Variants in TVP23A observed in about 807,000 individuals in gnomAD.
TVP23A encodes the protein Golgi apparatus membrane protein TVP23 homolog A.
In TVP23A, 21 loss-of-function variants were observed where a neutral mutation model predicts 31.7. That is an observed-to-expected ratio of 0.66 (90% CI 0.47 to 0.95). The LOEUF is 0.95. Ranked by LOEUF, TVP23A falls within the 40% of genes least tolerant of loss-of-function variation. TVP23A has a pLI of 0.00. For missense variants in TVP23A, 279 were observed against 255.6 expected, an observed-to-expected ratio of 1.09 and a Z score of -0.62; for synonymous variants, 104 against 96.0, an observed-to-expected ratio of 1.08 and a Z score of -0.49.
At chr16:10,765,641 T>C (rs1425857879), downstream of TVP23A, among the ~76,000 whole-genome samples, 1 of 152,214 alleles carries the variant, frequency 6.6e-6, no homozygotes, top group Non-Finnish European at 1.5e-5. The surrounding 1 kb of genome is among the most constrained non-coding windows in gnomAD (Gnocchi z 4.0). Flanking sequence ...ATACGGCTTT[T>C]CTTCCAAAGA....
At chr16:10,788,545 G>T (rs2032906920) in intron 2 of TVP23A, among the ~76,000 whole-genome samples, 1 of 152,148 alleles carries the variant, frequency 6.6e-6, no homozygotes, top group Non-Finnish European at 1.5e-5. Context: ...AAGTCCGGTG[G>T]TGACAAAGGA....
chr16:10,759,667 T>C (rs1596461135), downstream of TVP23A, among the ~76,000 whole-genome samples: 4 of 152,194 alleles, frequency 2.6e-5, no homozygotes. This position sits in a 1 kb window ranked among gnomAD's most constrained non-coding sequence, Gnocchi z 4.7. Context: ...TCCCAGCTAC[T>C]TGGGAGGCTG....
downstream of TVP23A, chr16:10,757,823 T>C: frequency 1.3e-6 from 2 of 1,588,026 alleles, no homozygotes; most frequent in Non-Finnish European, 1.7e-6. This position sits in a 1 kb window ranked among gnomAD's most constrained non-coding sequence, Gnocchi z 4.1. Flanking sequence ...GAGTTGAAAG[T>C]ACAGAAAAGA....
intron 2 of TVP23A, among the ~76,000 whole-genome samples, chr16:10,798,230 A>T (rs951241827): frequency 6.6e-6 from 1 of 151,812 alleles, no homozygotes; most frequent in African/African-American, 2.4e-5. Context: ...TAGTACTGGG[A>T]TTACAGGTGT....
At chr16:10,790,397 G>A (rs1324134939) in intron 2 of TVP23A, among the ~76,000 whole-genome samples, 1 of 146,722 alleles carries the variant, frequency 6.8e-6, no homozygotes, top group African/African-American at 2.5e-5. Context: ...CCATTCTCCT[G>A]CCTCAGCCTC....
chr16:10,767,142 C>A lies in TVP23A; in HGVS notation c.*1960G>T. The A allele has an allele frequency of 2.5e-6, 1 of 398,876 alleles. No individual in the cohort carries two copies. The highest frequency in any genetic ancestry group is 4.4e-6 in the Non-Finnish European group (1 of 226,274). The allele number at this position is 398,876 out of a possible 1,614,324, so 24.7% of individuals were successfully genotyped here. The stretch of plus-strand genomic sequence containing the variant: ...CAGTGCAGTCACTTGCCTGTTTCGC[C>A]AGCAGCTCAGGCCTGGGGAGTGGGC... On this transcript the variant is annotated 3_prime_UTR_variant, in exon 8 of 8. Transcript: ENST00000299866. The surrounding 1 kb of genome is among the most constrained non-coding windows in gnomAD (Gnocchi z 4.6).
intron 2 of TVP23A, among the ~76,000 whole-genome samples, chr16:10,807,336 G>GC (rs1242891195): frequency 1.3e-5 from 2 of 152,076 alleles, no homozygotes; most frequent in South Asian, 2.1e-4. Flanking sequence ...CTCCTTCCTT[G>GC]CCCCCCACAC....
downstream of TVP23A, among the ~76,000 whole-genome samples, chr16:10,758,585 T>A (rs1900732472): frequency 6.6e-6 from 1 of 152,204 alleles, no homozygotes; most frequent in Non-Finnish European, 1.5e-5. Context: ...GGGTCAAGAA[T>A]GCTTTTTGAA....
intron 2 of TVP23A, among the ~76,000 whole-genome samples, chr16:10,801,376 T>C (rs1030773118): frequency 6.6e-6 from 1 of 152,156 alleles, no homozygotes; most frequent in Non-Finnish European, 1.5e-5. Flanking sequence ...GCCCTTTTAC[T>C]CTCCAAAAAT....
intron 2 of TVP23A, among the ~76,000 whole-genome samples, chr16:10,809,915 A>C (rs568768071): frequency 9.8e-5 from 15 of 152,306 alleles, no homozygotes; most frequent in African/African-American, 3.4e-4. Flanking sequence ...TGTATGCCCC[A>C]AAAAAAGCAC....
At chr16:10,802,177 G>A (rs1030634017) in intron 2 of TVP23A, among the ~76,000 whole-genome samples, 5 of 150,830 alleles carry the variant, frequency 3.3e-5, no homozygotes, top group African/African-American at 1.2e-4. Flanking sequence ...GGCTCCTACT[G>A]GTCAACAATG....
rs1199469338 is a variant in TVP23A at position 10,767,470 on chromosome 16, G to A, written c.*1632C>T. 2.5e-6 allele frequency: 1 copy of A among 393,954 alleles called. No individual in the cohort carries two copies. Among genetic ancestry groups the A allele is most frequent in the Non-Finnish European group, 4.5e-6 (1 of 224,380 alleles). 24.4% of individuals were successfully genotyped at this position (393,954 alleles called of 1,614,324 possible). On this transcript the variant is annotated 3_prime_UTR_variant, in exon 8 of 8. Transcript: ENST00000299866. This position sits in a 1 kb window ranked among gnomAD's most constrained non-coding sequence, Gnocchi z 4.6. ...ATTCGTATTTTAGGTATATGAGAGT[G>A]TGTGTATGTGTGTGCGCACACATGC...
At position 10,770,306 on chromosome 16, in the gene TVP23A, G is replaced by A; in HGVS notation, c.608C>T (p.Pro203Leu). The change falls in exon 7 of 8, where the codon CCT (proline) becomes CTT (leucine). Residue 203 changes from proline to leucine, a missense_variant. By Grantham distance (98) the Pro-to-Leu change is moderately conservative. Coordinates refer to ENST00000299866, the MANE Select transcript of TVP23A (RefSeq NM_001079512.4). The part of the protein sequence containing the change: ...QTACPGDFQK[P>L]GLEGLEIHQH ...GTGAATCTCCAGCCCCTCGAGGCCA[G>A]GCTTCTGAAAGTCACCTGGGCAGGC... 2 of 1,551,246 alleles carry A rather than the reference G, an allele frequency of 1.3e-6. No homozygotes were observed. The highest frequency in any genetic ancestry group is 1.7e-6 in the Non-Finnish European group (2 of 1,146,972).
At position 10,767,709 on chromosome 16, in the gene TVP23A, C is replaced by T. The variant is rs2031106280; in HGVS notation, c.*1393G>A. The T allele has an allele frequency of 1.8e-6, 1 of 565,752 alleles. No individual in the cohort carries two copies. The highest frequency in any genetic ancestry group is 2.1e-5 in the South Asian group (1 of 47,556). 35.0% of individuals were successfully genotyped at this position (565,752 alleles called of 1,614,324 possible). ...TGCTGAATCAGTTCTCTGTAGGGCC[C>T]TGGAACCTGCATTTTCTGTACACCA... On this transcript the variant is annotated 3_prime_UTR_variant, in exon 8 of 8. Coordinates refer to ENST00000299866, the MANE Select transcript of TVP23A (RefSeq NM_001079512.4). The surrounding 1 kb of genome is among the most constrained non-coding windows in gnomAD (Gnocchi z 4.6).
intron 2 of TVP23A, among the ~76,000 whole-genome samples, chr16:10,787,070 C>T (rs925909350): frequency 6.6e-6 from 1 of 152,160 alleles, no homozygotes; most frequent in African/African-American, 2.4e-5. Flanking sequence ...AGAGGCCACC[C>T]CTCTCTGAAG....
chr16:10,762,497 G>A (rs756350565), downstream of TVP23A, among the ~76,000 whole-genome samples: 1 of 152,234 alleles, frequency 6.6e-6, no homozygotes, highest in Non-Finnish European at 1.5e-5. Context: ...GCGCTGGGCA[G>A]GGCCTACACT....
At chr16:10,795,054 G>T (rs1031287463) in intron 2 of TVP23A, among the ~76,000 whole-genome samples, 2 of 152,060 alleles carry the variant, frequency 1.3e-5, no homozygotes, top group African/African-American at 2.4e-5. Flanking sequence ...ATGGGGCAGG[G>T]ACATTGGAAC....
At chr16:10,815,855 T>C (rs148159868) in intron 2 of TVP23A, among the ~76,000 whole-genome samples, 2 of 152,340 alleles carry the variant, frequency 1.3e-5, no homozygotes, top group East Asian at 3.9e-4. Context: ...TCTTTTGGAA[T>C]CTTCATTTGC....
At chr16:10,813,595 CAAAT>C (rs773908179) in intron 2 of TVP23A, among the ~76,000 whole-genome samples, 6 of 152,110 alleles carry the variant, frequency 3.9e-5, no homozygotes, top group South Asian at 2.1e-4. Flanking sequence ...AACAAATAAA[CAAAT>C]AAATAAATAA....
Sources: allele counts gnomAD v4.1 joint callset (sites outside exome capture counted in the v4.1 genomes callset), GRCh38; gene constraint gnomAD v4.1.1; non-coding constraint Gnocchi (gnomAD v3.1); transcripts MANE v1.5; gene names NCBI Gene and HGNC (gene_info 2026-07-23, HGNC 2026-07-21).